Variants in NBAS observed in about 807,000 individuals in gnomAD.
NBAS encodes the protein NAG/BC035112 fusion.
NBAS carries 219 observed loss-of-function variants against 302.5 expected under a neutral mutation model. That is an observed-to-expected ratio of 0.72 (90% CI 0.65 to 0.81). The LOEUF (loss-of-function observed/expected upper bound fraction) is 0.81. Among genes scored for constraint, NBAS ranks in the 30% least tolerant of loss-of-function variants. The pLI, the probability that NBAS is intolerant of heterozygous loss-of-function variation, is 0.00. For missense variants in NBAS, 2,932 were observed against 2,841.6 expected (o/e 1.03, Z -0.72); for synonymous variants, 1,118 against 1,021.6 (o/e 1.09, Z -1.80).
At chr2:14,901,226 G>A in the NBAS span, among the ~76,000 whole-genome samples, 34 of 152,176 alleles carry the variant, frequency 2.2e-4, no homozygotes, top group African/African-American at 7.0e-4. Flanking sequence ...TTAGTTAGTA[G>A]GTGCTCAATA....
At chr2:14,796,409 TGACTCTATA>T in the NBAS span, among the ~76,000 whole-genome samples, 1 of 152,232 alleles carries the variant, frequency 6.6e-6, no homozygotes, top group Admixed American at 6.5e-5. Context: ...GAGTTTACCT[TGACTCTATA>T]GATTTGAGAA....
Position 15,555,411 on chromosome 2 carries a change from C to G in NBAS, c.210-1273G>C, listed in dbSNP as rs139507873. ...ACCTATATGAGGATGATAATTTCCT[C>G]TAGAAGGGAAGGGAAAAGAAAAAGG... On this transcript the variant is annotated intron_variant, in intron 3 of 51. Coordinates refer to ENST00000281513, the MANE Select transcript of NBAS (RefSeq NM_015909.4). Among the ~76,000 whole-genome samples, 1,233 of 151,920 alleles carry G rather than the reference C, an allele frequency of 8.1e-3. 18 individuals carry two copies. The highest frequency in any genetic ancestry group is 9.8e-3 in the Non-Finnish European group (667 of 67,982).
intron 25 of NBAS, among the ~76,000 whole-genome samples, 158 bp from the exon 26 acceptor site, chr2:15,402,459 A>T (rs1329495613): frequency 6.6e-6 from 1 of 152,200 alleles, no homozygotes; most frequent in African/African-American, 2.4e-5. Flanking sequence ...GTCTTTAATA[A>T]TTCTAACTGA....
intron 12 of NBAS, among the ~76,000 whole-genome samples, chr2:15,482,800 C>G (rs2148601409): frequency 6.6e-6 from 1 of 151,836 alleles, no homozygotes; most frequent in Middle Eastern, 3.4e-3. Flanking sequence ...TTCAAGTTAG[C>G]AAGGAAAATC....
At chr2:14,847,314 C>A in the NBAS span, among the ~76,000 whole-genome samples, 1 of 137,998 alleles carries the variant, frequency 7.2e-6, no homozygotes, top group Non-Finnish European at 1.5e-5. Context: ...ACCCAGGAGG[C>A]GGAGCTTGCA....
intron 11 of NBAS, among the ~76,000 whole-genome samples, chr2:15,495,779 A>G (rs1000855947): frequency 2.0e-5 from 3 of 152,182 alleles, no homozygotes; most frequent in Non-Finnish European, 4.4e-5. Flanking sequence ...AGAATAAAAG[A>G]TAATAACAAG....
intron 48 of NBAS, among the ~76,000 whole-genome samples, chr2:15,194,849 G>A (rs1665541924): frequency 6.6e-6 from 1 of 152,034 alleles, no homozygotes; most frequent in African/African-American, 2.4e-5. Context: ...CATACTGAAC[G>A]ATCTAGCCAC....
the NBAS span, among the ~76,000 whole-genome samples, chr2:14,869,530 GACCA>G: frequency 6.6e-6 from 1 of 151,902 alleles, no homozygotes; most frequent in African/African-American, 2.4e-5. Context: ...TTTTTAATGA[GACCA>G]ACCATATTCC....
At chr2:15,019,976 T>C in the NBAS span, among the ~76,000 whole-genome samples, 36 of 152,216 alleles carry the variant, frequency 2.4e-4, no homozygotes, top group African/African-American at 8.2e-4. Flanking sequence ...GACTAAGATA[T>C]CTTCCTACAT....
the NBAS span, among the ~76,000 whole-genome samples, chr2:15,028,145 T>C: frequency 6.6e-6 from 1 of 152,210 alleles, no homozygotes; most frequent in Non-Finnish European, 1.5e-5. Context: ...GGTCTATCAT[T>C]GAGAAAGTCA....
At chr2:14,983,239 T>C in the NBAS span, among the ~76,000 whole-genome samples, 1 of 152,192 alleles carries the variant, frequency 6.6e-6, no homozygotes. Flanking sequence ...ATGCCATGTG[T>C]TTTCTATTAG....
At chr2:14,885,112 T>G in the NBAS span, among the ~76,000 whole-genome samples, 1 of 152,160 alleles carries the variant, frequency 6.6e-6, no homozygotes, top group African/African-American at 2.4e-5. Flanking sequence ...AAGATGGAAA[T>G]AACACATTCT....
At chr2:14,783,452 T>G in the NBAS span, among the ~76,000 whole-genome samples, 9 of 144,298 alleles carry the variant, frequency 6.2e-5, no homozygotes. Flanking sequence ...GTATATCTCC[T>G]AATGCTATCC....
chr2:15,133,854 C>A, the NBAS span, among the ~76,000 whole-genome samples: 5 of 152,172 alleles, frequency 3.3e-5, no homozygotes, highest in East Asian at 9.7e-4. Flanking sequence ...AGGAAAAGAT[C>A]TTCCTGATTG....
At chr2:15,001,386 A>G in the NBAS span, among the ~76,000 whole-genome samples, 1 of 152,190 alleles carries the variant, frequency 6.6e-6, no homozygotes, top group Admixed American at 6.5e-5. Context: ...TTGCTATTCC[A>G]AAATCACTTA....
At chr2:15,191,561 C>T (rs1371518096) in intron 48 of NBAS, among the ~76,000 whole-genome samples, 1 of 152,046 alleles carries the variant, frequency 6.6e-6, no homozygotes, top group Non-Finnish European at 1.5e-5. Context: ...GTCAGTTTAC[C>T]CTTACAGCAG....
At chr2:14,935,324 T>C in the NBAS span, among the ~76,000 whole-genome samples, 1 of 152,214 alleles carries the variant, frequency 6.6e-6, no homozygotes, top group Admixed American at 6.5e-5. Context: ...CAGCATCATT[T>C]TTTAAAATTT....
the NBAS span, among the ~76,000 whole-genome samples, chr2:15,058,092 G>T: frequency 7.9e-5 from 12 of 152,148 alleles, no homozygotes; most frequent in Admixed American, 7.9e-4. Context: ...CCCACTACTG[G>T]GTATCTTCCC....
At chr2:14,783,692 T>G in the NBAS span, among the ~76,000 whole-genome samples, 1 of 152,044 alleles carries the variant, frequency 6.6e-6, no homozygotes, top group East Asian at 1.9e-4. Context: ...GGTGTATATG[T>G]GCCATATTTT....
Sources: allele counts gnomAD v4.1 joint callset (sites outside exome capture counted in the v4.1 genomes callset), GRCh38; gene constraint gnomAD v4.1.1; transcripts MANE v1.5; gene names NCBI Gene and HGNC (gene_info 2026-07-23, HGNC 2026-07-21).